Variants in SLC25A26 observed in about 807,000 individuals in gnomAD.
The protein encoded by SLC25A26 is mitochondrial S-adenosylmethionine carrier protein.
SLC25A26 carries 36 observed loss-of-function variants against 37.8 expected under a neutral mutation model. That is an observed-to-expected ratio of 0.95 (90% CI 0.73 to 1.26). The LOEUF is 1.26. Among genes scored for constraint, SLC25A26 ranks in the 50% most tolerant of loss-of-function variants. SLC25A26 has a pLI of 0.00. For missense variants in SLC25A26, 390 were observed against 331.1 expected (o/e 1.18, Z -1.38); for synonymous variants, 129 against 122.5 (o/e 1.05, Z -0.35).
intron 3 of SLC25A26, among the ~76,000 whole-genome samples, chr3:66,249,252 C>T (rs1257527677): frequency 2.0e-5 from 3 of 151,744 alleles, no homozygotes; most frequent in East Asian, 1.9e-4. Flanking sequence ...CATAGAGCCT[C>T]GTAGGCAAAG....
chr3:66,369,550 G>C lies in SLC25A26; in HGVS notation c.633+8G>C. 5 of 1,584,996 alleles carry C rather than the reference G, an allele frequency of 3.2e-6. No homozygotes were observed. The highest frequency in any genetic ancestry group is 4.3e-6 in the Non-Finnish European group (5 of 1,163,198). On this transcript the variant is annotated splice_region_variant and intron_variant, in intron 8 of 9. Transcript: ENST00000354883. ...AGAATTACGCTGGCAAAGGTAAGTG[G>C]TGAAATAATGTAATGGAGATACTTC...
intron 6 of SLC25A26, among the ~76,000 whole-genome samples, chr3:66,352,432 TTTG>T (rs1231015235): frequency 7.4e-6 from 1 of 135,916 alleles, no homozygotes; most frequent in Non-Finnish European, 1.5e-5. Flanking sequence ...TTTTTTGTTT[TTTG>T]TTTTTTGTTT....
chr3:66,214,262 C>T (rs1469472634), intron 1 of SLC25A26, among the ~76,000 whole-genome samples: 1 of 152,280 alleles, frequency 6.6e-6, no homozygotes, highest in Non-Finnish European at 1.5e-5. Context: ...TGCCTACCCC[C>T]ACCCCACCTT....
intron 1 of SLC25A26, among the ~76,000 whole-genome samples, chr3:66,146,265 G>A (rs544548471): frequency 1.3e-5 from 2 of 151,656 alleles, no homozygotes; most frequent in Non-Finnish European, 2.9e-5. Context: ...GCTTGAACCC[G>A]GGAGACAGAG....
intron 5 of SLC25A26, among the ~76,000 whole-genome samples, chr3:66,286,643 T>G (rs1035702695): frequency 2.7e-4 from 41 of 152,278 alleles, no homozygotes; most frequent in Non-Finnish European, 2.9e-5. Flanking sequence ...AAAGATGATG[T>G]TTTGATTTTC....
intron 5 of SLC25A26, among the ~76,000 whole-genome samples, chr3:66,310,385 A>G (rs1005894073): frequency 4.6e-5 from 7 of 151,894 alleles, no homozygotes; most frequent in East Asian, 1.9e-4. Flanking sequence ...TTTTGAGCCT[A>G]TTTGTGTCTT....
intron 5 of SLC25A26, among the ~76,000 whole-genome samples, chr3:66,341,440 A>C (rs988565108): frequency 2.0e-5 from 3 of 149,524 alleles, no homozygotes. Context: ...AAAGTGATAC[A>C]TTAGGAGCCA....
intron 1 of SLC25A26, among the ~76,000 whole-genome samples, chr3:66,144,622 A>G (rs1439191545): frequency 6.6e-6 from 1 of 152,146 alleles, no homozygotes; most frequent in Non-Finnish European, 1.5e-5. Context: ...AAGATTGTCT[A>G]CTGGGATGTA....
In SLC25A26 at chr3:66,164,537, C is replaced by T. The variant is rs567062168; in HGVS notation, c.-354+30553C>T. ...TATCCTACAGGCCAGACTTGGGATA[C>T]CTTCCCATTCTTAAACCATTAAGGG... On this transcript the variant is annotated intron_variant, in intron 1 of 10. Coordinates refer to the SLC25A26 transcript ENST00000676754. 2.8e-4 allele frequency among the ~76,000 whole-genome samples: 42 copies of T among 152,208 alleles called. No homozygotes were observed. In the East Asian group the frequency reaches 6.6e-3, roughly 24 times the overall value.
intron 5 of SLC25A26, among the ~76,000 whole-genome samples, chr3:66,318,431 C>G (rs748862364): frequency 1.2e-4 from 18 of 152,128 alleles, no homozygotes; most frequent in Admixed American, 2.0e-4. Flanking sequence ...CCCCTTTCCC[C>G]CTGCCGCCTT....
At chr3:66,217,752 G>A (rs993217220), upstream of SLC25A26, among the ~76,000 whole-genome samples, 1 of 152,230 alleles carries the variant, frequency 6.6e-6, no homozygotes, top group East Asian at 1.9e-4. Flanking sequence ...GCTTCACTGT[G>A]TTGGCCAGGC....
intron 1 of SLC25A26, among the ~76,000 whole-genome samples, chr3:66,172,274 G>A (rs532792677): frequency 4.6e-5 from 7 of 152,070 alleles, no homozygotes; most frequent in African/African-American, 1.7e-4. Flanking sequence ...AGCCAGGTAT[G>A]GTGTCATGCA....
intron 3 of SLC25A26, among the ~76,000 whole-genome samples, chr3:66,250,116 A>C (rs930967189): frequency 2.0e-5 from 3 of 152,188 alleles, no homozygotes; most frequent in African/African-American, 7.2e-5. Context: ...CAACCATATA[A>C]AAAGCAGTTT....
chr3:66,231,908 C>T lies in SLC25A26; in HGVS notation c.34-4636C>T, dbSNP rs905672833. Among the ~76,000 whole-genome samples, 12 of 152,030 alleles carry T rather than the reference C, an allele frequency of 7.9e-5. 1 individual carries two copies. Among genetic ancestry groups the T allele is most frequent in the Admixed American group, 3.3e-4 (5 of 15,248 alleles). On this transcript the variant is annotated intron_variant, in intron 1 of 9. Transcript: ENST00000354883. ...CACCTCAGCCTCCCAGCAGCTAGGA[C>T]TACAGACATGAGCCACTGCACCCAG... is the stretch of plus-strand genomic sequence containing the variant.
At chr3:66,293,382 A>T (rs1192349368) in intron 5 of SLC25A26, among the ~76,000 whole-genome samples, 5 of 151,406 alleles carry the variant, frequency 3.3e-5, no homozygotes, top group African/African-American at 9.7e-5. Context: ...TTTTTTTTTA[A>T]AATTTAAATT....
chr3:66,279,418 C>G (rs2074263653), intron 5 of SLC25A26, among the ~76,000 whole-genome samples: 1 of 152,148 alleles, frequency 6.6e-6, no homozygotes, highest in Non-Finnish European at 1.5e-5. Context: ...TAAACTTACA[C>G]CTGGTGCTAC....
intron 5 of SLC25A26, among the ~76,000 whole-genome samples, chr3:66,308,505 C>A (rs947359452): frequency 2.0e-5 from 3 of 152,172 alleles, no homozygotes; most frequent in Admixed American, 6.5e-5. Context: ...CTTTCTCTTG[C>A]CTGATTGCCC....
intron 7 of SLC25A26, among the ~76,000 whole-genome samples, chr3:66,365,714 G>A (rs2076809019): frequency 6.6e-6 from 1 of 152,136 alleles, no homozygotes; most frequent in Non-Finnish European, 1.5e-5. Context: ...AAATGAGAAG[G>A]CCTGACACAA....
chr3:66,347,302 A>C (rs2076349097), intron 6 of SLC25A26, among the ~76,000 whole-genome samples: 1 of 152,232 alleles, frequency 6.6e-6, no homozygotes, highest in Non-Finnish European at 1.5e-5. Flanking sequence ...TCCCATTAAA[A>C]AGTGAGCGAA....
Sources: allele counts gnomAD v4.1 joint callset (sites outside exome capture counted in the v4.1 genomes callset), GRCh38; gene constraint gnomAD v4.1.1; transcripts MANE v1.5; gene names NCBI Gene and HGNC (gene_info 2026-07-23, HGNC 2026-07-21).